The following GTF2H5 variants were observed in gnomAD, a reference collection of about 807,000 sequenced individuals.
The protein encoded by GTF2H5 is TFB5 ortholog.
Under a neutral mutation model 7.1 loss-of-function variants are expected in GTF2H5, and 5 were observed. The ratio of observed to expected loss-of-function variants is 0.71; its 90% CI spans 0.37 to 1.49. The LOEUF (loss-of-function observed/expected upper bound fraction) is 1.49, where lower values mean the gene tolerates loss of function less well. GTF2H5 is among the 40% of genes most tolerant of loss of function. The probability of loss-of-function intolerance (pLI) is 0.03; values close to 1 mark genes in which losing one functional copy is unlikely to be tolerated. For synonymous variants in GTF2H5, 30 were observed against 31.7 expected (o/e 0.95, Z 0.18); for missense variants, 80 against 83.0 (o/e 0.96, Z 0.14).
intron 2 of GTF2H5, among the ~76,000 whole-genome samples, chr6:158,174,424 T>C (rs190311783): frequency 1.2e-4 from 19 of 152,346 alleles, no homozygotes; most frequent in East Asian, 1.2e-3. Flanking sequence ...CTTCAGAGAA[T>C]TGAAAAATCA....
At chr6:158,171,073 G>C (rs1327157729) in intron 2 of GTF2H5, among the ~76,000 whole-genome samples, 1 of 152,126 alleles carries the variant, frequency 6.6e-6, no homozygotes, top group Non-Finnish European at 1.5e-5. Flanking sequence ...CCTCTAATAT[G>C]AGCCAGTGCA....
intron 2 of GTF2H5, among the ~76,000 whole-genome samples, chr6:158,181,809 A>G (rs1786014275): frequency 6.6e-6 from 1 of 152,060 alleles, no homozygotes; most frequent in Non-Finnish European, 1.5e-5. Context: ...CAGCACACCA[A>G]CGGGTCTTGA....
At chr6:158,177,507 G>A (rs1351550463) in intron 2 of GTF2H5, among the ~76,000 whole-genome samples, 3 of 152,184 alleles carry the variant, frequency 2.0e-5, no homozygotes, top group Non-Finnish European at 2.9e-5. Flanking sequence ...TTGACATCAG[G>A]GATAAGGTAT....
At chr6:158,182,788 C>G (rs979407637) in intron 2 of GTF2H5, among the ~76,000 whole-genome samples, 1 of 151,972 alleles carries the variant, frequency 6.6e-6, no homozygotes, top group African/African-American at 2.4e-5. Context: ...AAACTTTTTT[C>G]AAGGTTTTTA....
chr6:158,185,198 TCTTTA>T (rs893072957), intron 2 of GTF2H5, among the ~76,000 whole-genome samples: 1 of 151,968 alleles, frequency 6.6e-6, no homozygotes, highest in Non-Finnish European at 1.5e-5. Flanking sequence ...TTACATGTTA[TCTTTA>T]CTTCAGGTAC....
intron 2 of GTF2H5, among the ~76,000 whole-genome samples, chr6:158,186,031 C>T (rs1460498972): frequency 6.6e-6 from 1 of 152,002 alleles, no homozygotes; most frequent in Non-Finnish European, 1.5e-5. Context: ...TTTATATGAC[C>T]AGTTTAATTT....
intron 1 of GTF2H5, among the ~76,000 whole-genome samples, chr6:158,168,846 C>T (rs1346346876): frequency 6.6e-6 from 1 of 152,188 alleles, no homozygotes; most frequent in Non-Finnish European, 1.5e-5. Flanking sequence ...GCCTGCAATC[C>T]CAGCACATTG....
At chr6:158,170,610 A>G (rs2128428804) in intron 2 of GTF2H5, 72 bp downstream of exon 2, 1 of 1,077,084 alleles carries the variant, frequency 9.3e-7, no homozygotes, top group Non-Finnish European at 1.4e-6. Context: ...TGTCTTTTCT[A>G]AAACCCTGTT....
At chr6:158,191,903 A>G in intron 2 of GTF2H5, 74 bp from the exon 3 acceptor site, 1 of 1,168,866 alleles carries the variant, frequency 8.6e-7, no homozygotes, top group East Asian at 2.3e-5. Flanking sequence ...CTACATGTTC[A>G]CATTTAATTG....
chr6:158,175,059 C>CTGTGTGTGTGTGTGTGTGTGTGT (rs1785916186), intron 2 of GTF2H5, among the ~76,000 whole-genome samples: 1 of 96,108 alleles, frequency 1.0e-5, no homozygotes, highest in East Asian at 5.1e-4. Flanking sequence ...CACACACACA[C>CTGTGTGTGTGTGTGTGTGTGTGT]ACATACACAT....
intron 2 of GTF2H5, among the ~76,000 whole-genome samples, chr6:158,178,764 C>G (rs560814920): frequency 3.3e-5 from 5 of 152,120 alleles, no homozygotes; most frequent in African/African-American, 9.7e-5. Flanking sequence ...CTTTGTCAGA[C>G]AGGTAGATTG....
chr6:158,169,838 T>TATATAC (rs1554267219), intron 1 of GTF2H5, among the ~76,000 whole-genome samples: 3 of 116,218 alleles, frequency 2.6e-5, no homozygotes, highest in African/African-American at 1.0e-4. Context: ...TGTATATATA[T>TATATAC]ACACACACAC....
At chr6:158,183,244 C>T (rs1168155499) in intron 2 of GTF2H5, among the ~76,000 whole-genome samples, 1 of 152,194 alleles carries the variant, frequency 6.6e-6, no homozygotes, top group Non-Finnish European at 1.5e-5. Flanking sequence ...CTGATCCTTC[C>T]TCTGGAAGCT....
At position 158,195,878 on chromosome 6, in the gene GTF2H5, G is replaced by C. The variant is rs1777098843; in HGVS notation, c.*3721G>C. 6.6e-6 allele frequency: 1 copy of C among 152,202 alleles called. No homozygotes were observed. The highest frequency in any genetic ancestry group is 2.1e-4 in the South Asian group (1 of 4,828). The allele number at this position is 152,202 out of a possible 1,614,324, so 9.4% of individuals were successfully genotyped here. A position where few individuals can be genotyped will look rare whatever the true frequency, so the allele number is the denominator to read the frequency against. On this transcript the variant is annotated 3_prime_UTR_variant, in exon 3 of 3. Transcript: ENST00000607778. ...ATATAGTCAATAAATATTCTCAAGT[G>C]TACGTAGCTCAATTTCATTTGCAGC...
intron 2 of GTF2H5, among the ~76,000 whole-genome samples, chr6:158,186,815 A>T (rs758992538): frequency 1.2e-4 from 19 of 152,164 alleles, no homozygotes; most frequent in Non-Finnish European, 2.5e-4. Flanking sequence ...AGATTCAAAG[A>T]TTTTCTTATT....
chr6:158,180,259 C>T (rs1420441264), intron 2 of GTF2H5, among the ~76,000 whole-genome samples: 1 of 152,154 alleles, frequency 6.6e-6, no homozygotes, highest in South Asian at 2.1e-4. Flanking sequence ...TGATGTGCTG[C>T]TGGATTCGGT....
At chr6:158,187,748 A>G (rs1341699765) in intron 2 of GTF2H5, among the ~76,000 whole-genome samples, 1 of 152,056 alleles carries the variant, frequency 6.6e-6, no homozygotes, top group Non-Finnish European at 1.5e-5. Flanking sequence ...TTGTATTTTT[A>G]GTAGAGATGG....
At chr6:158,181,952 G>A (rs1288326467) in intron 2 of GTF2H5, among the ~76,000 whole-genome samples, 1 of 152,132 alleles carries the variant, frequency 6.6e-6, no homozygotes, top group Non-Finnish European at 1.5e-5. Flanking sequence ...ATTAATTGAG[G>A]CAGTTTCTTC....
chr6:158,179,543 G>A (rs1030128371), intron 2 of GTF2H5, among the ~76,000 whole-genome samples: 1 of 152,166 alleles, frequency 6.6e-6, no homozygotes, highest in African/African-American at 2.4e-5. Flanking sequence ...AGTTCTTGAA[G>A]AGGTCTTTCA....
Sources: allele counts gnomAD v4.1 joint callset (sites outside exome capture counted in the v4.1 genomes callset), GRCh38; gene constraint gnomAD v4.1.1; transcripts MANE v1.5; gene names NCBI Gene and HGNC (gene_info 2026-07-23, HGNC 2026-07-21).